Variants in CAMK1D observed in about 807,000 individuals in gnomAD.
CAMK1D encodes the protein calcium/calmodulin dependent protein kinase ID, also known as calcium/calmodulin-dependent protein kinase type 1D.
In CAMK1D, 9 loss-of-function variants were observed where a neutral mutation model predicts 47.7. The observed-to-expected ratio is 0.19, with a 90% confidence interval of 0.11 to 0.33. CAMK1D has a LOEUF of 0.33. Ranked by LOEUF, CAMK1D falls within the 10% of genes least tolerant of loss-of-function variation. The probability of loss-of-function intolerance (pLI) is 1.00; values close to 1 mark genes in which losing one functional copy is unlikely to be tolerated. For missense variants in CAMK1D, 291 were observed against 488.7 expected, an observed-to-expected ratio of 0.60 and a Z score of 3.81; for synonymous variants, 184 against 184.9, an observed-to-expected ratio of 0.99 and a Z score of 0.04.
At chr10:12,767,089 A>G (rs1015056665) in intron 4 of CAMK1D, among the ~76,000 whole-genome samples, 8 of 152,220 alleles carry the variant, frequency 5.3e-5, no homozygotes, top group African/African-American at 1.9e-4. Context: ...TCTGCTGCAC[A>G]ACAGGCCGAG....
At chr10:12,460,035 C>T (rs1833376766) in intron 1 of CAMK1D, among the ~76,000 whole-genome samples, 1 of 152,118 alleles carries the variant, frequency 6.6e-6, no homozygotes, top group Non-Finnish European at 1.5e-5. Flanking sequence ...TATTCACAAG[C>T]ATTGCTAGAT....
At chr10:12,809,092 G>A (rs1832493075) in intron 6 of CAMK1D, among the ~76,000 whole-genome samples, 1 of 150,884 alleles carries the variant, frequency 6.6e-6, no homozygotes, top group Admixed American at 6.6e-5. Flanking sequence ...ACTCTAGCCT[G>A]GGCAACAGAG....
intron 3 of CAMK1D, among the ~76,000 whole-genome samples, chr10:12,758,624 T>C (rs978134090): frequency 5.3e-5 from 8 of 152,214 alleles, no homozygotes; most frequent in South Asian, 2.1e-4. Context: ...ACAGAAAATA[T>C]TTTATGCAGA....
At position 12,439,903 on chromosome 10, in the gene CAMK1D, G is replaced by A. The variant is rs142837976; in HGVS notation, c.92+89993G>A. 1.1e-3 allele frequency among the ~76,000 whole-genome samples: 175 copies of A among 152,316 alleles called. 1 individual carries two copies. The highest frequency in any genetic ancestry group is 5.0e-3 in the East Asian group (26 of 5,178). ...AAAGGCACATCTTACATGGCGGCAG[G>A]CAAGAGAGAGAATGAGAACCAGGTG... is the stretch of plus-strand genomic sequence containing the variant. On this transcript the variant is annotated intron_variant, in intron 1 of 10. Coordinates refer to ENST00000619168, the MANE Select transcript of CAMK1D (RefSeq NM_153498.4).
intron 6 of CAMK1D, among the ~76,000 whole-genome samples, chr10:12,792,718 T>C (rs1378764836): frequency 1.3e-5 from 2 of 152,242 alleles, no homozygotes; most frequent in Non-Finnish European, 2.9e-5. Context: ...CTTGTCGTTA[T>C]CACAGGAGAA....
chr10:12,802,477 A>G (rs182398322), intron 6 of CAMK1D, among the ~76,000 whole-genome samples: 1 of 152,120 alleles, frequency 6.6e-6, no homozygotes, highest in Non-Finnish European at 1.5e-5. Context: ...TGGGTAGAAC[A>G]TTCCGCATTG....
At chr10:12,471,364 C>T (rs947173195) in intron 1 of CAMK1D, among the ~76,000 whole-genome samples, 8 of 152,304 alleles carry the variant, frequency 5.3e-5, no homozygotes, top group South Asian at 2.1e-4. Context: ...CTGTGTTGAC[C>T]GCTGACTGTA....
intron 5 of CAMK1D, among the ~76,000 whole-genome samples, chr10:12,782,126 T>C (rs1247149881): frequency 6.6e-6 from 1 of 152,162 alleles, no homozygotes; most frequent in Non-Finnish European, 1.5e-5. Flanking sequence ...TCTGCTCTTC[T>C]TCTGTGACTT....
intron 3 of CAMK1D, among the ~76,000 whole-genome samples, chr10:12,725,068 G>A (rs747557853): frequency 1.1e-4 from 16 of 152,220 alleles, no homozygotes; most frequent in Non-Finnish European, 2.1e-4. Context: ...GGGTCCCACT[G>A]TGTTTCTCCT....
chr10:12,566,495 C>A (rs781491118), intron 2 of CAMK1D, among the ~76,000 whole-genome samples: 3 of 152,170 alleles, frequency 2.0e-5, no homozygotes, highest in Non-Finnish European at 2.9e-5. Context: ...GGTTATCTGA[C>A]CGTCTGCTTC....
intron 9 of CAMK1D, 116 bp from the exon 10 acceptor site, chr10:12,825,457 G>C: frequency 1.0e-6 from 1 of 961,368 alleles, no homozygotes; most frequent in Non-Finnish European, 1.5e-6. Context: ...AGTAGCATGA[G>C]AATGATGTAA....
intron 6 of CAMK1D, among the ~76,000 whole-genome samples, chr10:12,806,011 G>T (rs774725438): frequency 6.6e-6 from 1 of 152,198 alleles, no homozygotes; most frequent in Middle Eastern, 3.2e-3. Context: ...CCCTGGCCGG[G>T]TGGGATCAAG....
At chr10:12,577,228 C>G (rs867041630) in intron 2 of CAMK1D, among the ~76,000 whole-genome samples, 1 of 152,184 alleles carries the variant, frequency 6.6e-6, no homozygotes, top group East Asian at 1.9e-4. Context: ...AGCGAAAATT[C>G]CTGGCTGGTT....
intron 1 of CAMK1D, among the ~76,000 whole-genome samples, chr10:12,362,664 A>ATTTTTAT (rs1837708160): frequency 6.6e-6 from 1 of 151,954 alleles, no homozygotes; most frequent in South Asian, 2.1e-4. Flanking sequence ...TGCCTGGCTA[A>ATTTTTAT]TTTTTATTTT....
chr10:12,814,422 C>T (rs1417240443), intron 7 of CAMK1D, 115 bp downstream of exon 7: 10 of 598,950 alleles, frequency 1.7e-5, no homozygotes, highest in Non-Finnish European at 3.0e-6. Context: ...CCTGAGGGTC[C>T]TGTCTTGGTT....
chr10:12,695,060 A>ATACATAGGTAGATACATAGG (rs1554811993), intron 3 of CAMK1D, among the ~76,000 whole-genome samples: 1 of 85,916 alleles, frequency 1.2e-5, no homozygotes, highest in African/African-American at 3.8e-5. Flanking sequence ...AGATAGATAG[A>ATACATAGGTAGATACATAGG]TAGATACATA....
chr10:12,751,058 T>C lies in CAMK1D; in HGVS notation c.300-9890T>C, dbSNP rs1318392485. 2.9e-3 allele frequency among the ~76,000 whole-genome samples: 4 copies of C among 1,366 alleles called. No individual in the cohort carries two copies. In the East Asian group the frequency reaches 0.041, roughly 14 times the overall value. The allele number at this position is 1,366 out of a possible 152,430, so 0.9% of individuals were successfully genotyped here. A position where few individuals can be genotyped will look rare whatever the true frequency, so the allele number is the denominator to read the frequency against. On this transcript the variant is annotated intron_variant, in intron 3 of 10. Transcript: ENST00000619168. ...ACGGAGCCCGTCTCCCCCAATAAGA[T>C]AAGATAAGATAAGATAAGATAAGAT...
At chr10:12,576,146 G>A (rs190450464) in intron 2 of CAMK1D, among the ~76,000 whole-genome samples, 17 of 152,190 alleles carry the variant, frequency 1.1e-4, no homozygotes, top group African/African-American at 3.6e-4. Context: ...TATTTATGTT[G>A]TTTCTTTGAT....
chr10:12,763,733 G>A (rs1334787323), intron 4 of CAMK1D, among the ~76,000 whole-genome samples: 3 of 152,218 alleles, frequency 2.0e-5, no homozygotes, highest in Non-Finnish European at 4.4e-5. Flanking sequence ...TAACATTAAC[G>A]TTACCAGAAG....
Sources: allele counts gnomAD v4.1 joint callset (sites outside exome capture counted in the v4.1 genomes callset), GRCh38; gene constraint gnomAD v4.1.1; transcripts MANE v1.5; gene names NCBI Gene and HGNC (gene_info 2026-07-23, HGNC 2026-07-21).